Variants in PSMB7 observed in about 807,000 individuals in gnomAD.
PSMB7 encodes proteasome 20S subunit beta 7, also known as proteasome subunit beta type-7.
Under a neutral mutation model 28.1 loss-of-function variants are expected in PSMB7, and 5 were observed. The ratio of observed to expected loss-of-function variants is 0.18; its 90% confidence interval spans 0.09 to 0.37. The LOEUF is 0.37. Among genes scored for constraint, PSMB7 ranks in the 10% least tolerant of loss-of-function variants. The pLI is 1.00. For missense variants in PSMB7, 275 were observed against 346.2 expected (o/e 0.79, Z 1.63); for synonymous variants, 122 against 123.7 (o/e 0.99, Z 0.09).
intron 6 of PSMB7, among the ~76,000 whole-genome samples, chr9:124,372,334 A>G (rs2131151704): frequency 6.6e-6 from 1 of 152,390 alleles, no homozygotes; most frequent in Admixed American, 6.5e-5. Context: ...GGCAGAAGAC[A>G]TGACAGAATT....
At chr9:124,371,346 G>A (rs1243603711) in intron 6 of PSMB7, among the ~76,000 whole-genome samples, 1 of 152,128 alleles carries the variant, frequency 6.6e-6, no homozygotes, top group African/African-American at 2.4e-5. Context: ...CAAGAAAGTG[G>A]AAATCCATTG....
At chr9:124,367,025 T>C (rs748292938) in intron 6 of PSMB7, among the ~76,000 whole-genome samples, 4 of 152,234 alleles carry the variant, frequency 2.6e-5, no homozygotes, top group Non-Finnish European at 5.9e-5. Flanking sequence ...ATAGTTCGAC[T>C]TGTGCTTTTT....
chr9:124,353,584 C>T lies in PSMB7; in HGVS notation c.*14G>A. 1.3e-6 allele frequency: 2 copies of T among 1,582,608 alleles called. No homozygotes were observed. Reference sequence around the variant, plus strand: ...CACCTTCCAGAACCGCGGCCAGCCACCCACTGATGCCATTCAGGAAGTGTC... The same window carrying T: ...CACCTTCCAGAACCGCGGCCAGCCATCCACTGATGCCATTCAGGAAGTGTC... On this transcript the variant is annotated 3_prime_UTR_variant, in exon 8 of 8. Transcript: ENST00000259457.
In PSMB7 at chr9:124,356,143, C is replaced by T. The variant is rs78698737; in HGVS notation, c.722+621G>A. On this transcript the variant is annotated intron_variant, in intron 7 of 7. Transcript: ENST00000259457. This position sits in a 1 kb window ranked among gnomAD's most constrained non-coding sequence, Gnocchi z 4.4. ...CCGGACAATCACGAGACACTGCAAACGAGCTGCTCCTCTGACACATGCTAG... is the reference window on the plus strand; with the variant it reads ...CCGGACAATCACGAGACACTGCAAATGAGCTGCTCCTCTGACACATGCTAG... Among the ~76,000 whole-genome samples, 7 of 152,192 alleles carry T rather than the reference C, an allele frequency of 4.6e-5. No homozygotes were observed. The highest frequency in any genetic ancestry group is 7.3e-5 in the Non-Finnish European group (5 of 68,038).
At position 124,415,404 on chromosome 9, in the gene PSMB7, C is replaced by A. The variant is rs759358036; in HGVS notation, c.22G>T (p.Ala8Ser). The change falls in exon 1 of 8, where the codon GCT (alanine) becomes TCT (serine). Residue 8 changes from alanine (A) to serine (S), a missense_variant. Around this residue, in one of 2 missense-constraint regions of PSMB7, gnomAD observed 62 missense variants for 43.9 expected, o/e 1.41. Transcript: ENST00000259457. ...AAAGAGAAGCCTCCAACTGGTGGAG[C>A]ATACACCGACACAGCCGCCATCTTC... MAAVSVY[A>S]PPVGGFSFDN... The A allele has an allele frequency of 8.1e-6, 13 of 1,614,034 alleles. No individual in the cohort carries two copies. Among genetic ancestry groups the A allele is most frequent in the East Asian group, 6.7e-5 (3 of 44,884 alleles).
rs148309449 is a variant in PSMB7 at position 124,399,505 on chromosome 9, C to T, written c.511+5812G>A. Among the ~76,000 whole-genome samples the T allele has an allele frequency of 2.9e-3, 444 of 152,274 alleles. 4 individuals are homozygous for T. Among genetic ancestry groups the T allele is most frequent in the African/African-American group, 0.01 (425 of 41,550 alleles). ...ATGTGTTTCTGAAAGGAGGCAGCAACAGCTGTTAGGCTCTCTTCAGAGGAG... is the reference window on the plus strand; with the variant it reads ...ATGTGTTTCTGAAAGGAGGCAGCAATAGCTGTTAGGCTCTCTTCAGAGGAG... On this transcript the variant is annotated intron_variant, in intron 5 of 7. Coordinates refer to ENST00000259457, the MANE Select transcript of PSMB7 (RefSeq NM_002799.4).
rs140680372 is a variant in PSMB7, at chr9:124,383,355, T to C, written c.570+1243A>G. ...TAAATTCTATACACTATGTTTTAAT[T>C]CCTGCAGCTATCCGAGAAGCGAAGA... On this transcript the variant is annotated intron_variant, in intron 6 of 7. Transcript: ENST00000259457. Among the ~76,000 whole-genome samples the C allele has an allele frequency of 4.1e-3, 621 of 152,302 alleles. 4 individuals are homozygous for C. The highest frequency in any genetic ancestry group is 4.7e-3 in the Non-Finnish European group (317 of 68,026).
At chr9:124,358,852 G>T (rs552698290) in intron 6 of PSMB7, among the ~76,000 whole-genome samples, 2 of 152,374 alleles carry the variant, frequency 1.3e-5, no homozygotes, top group South Asian at 4.1e-4. Context: ...CAGACATCGC[G>T]ACCCTGCGGG....
At chr9:124,413,749 G>C (rs546009054) in intron 3 of PSMB7, among the ~76,000 whole-genome samples, 159 bp downstream of exon 3, 2 of 152,336 alleles carry the variant, frequency 1.3e-5, no homozygotes, top group East Asian at 1.9e-4. Context: ...GAGAGGACTT[G>C]AAGTTACTGG....
chr9:124,366,736 T>A (rs552167370), intron 6 of PSMB7, among the ~76,000 whole-genome samples: 1 of 152,400 alleles, frequency 6.6e-6, no homozygotes, highest in South Asian at 2.1e-4. Flanking sequence ...CACCATTTTT[T>A]ATCTCATACT....
chr9:124,401,691 C>T (rs1830909391), intron 5 of PSMB7, among the ~76,000 whole-genome samples: 1 of 152,184 alleles, frequency 6.6e-6, no homozygotes, highest in Non-Finnish European at 1.5e-5. Flanking sequence ...ATCTGTGCTG[C>T]CTGCTATAGT....
intron 2 of PSMB7, 85 bp downstream of exon 2, chr9:124,414,757 C>T (rs903792992): frequency 2.0e-5 from 23 of 1,162,162 alleles, no homozygotes; most frequent in Non-Finnish European, 2.9e-5. Context: ...CTTTCCAGAC[C>T]GAGCCGGGAG....
chr9:124,384,228 A>G, intron 6 of PSMB7: 1 of 199,354 alleles, frequency 5.0e-6, no homozygotes. Flanking sequence ...GCAAAGACAT[A>G]CACAGTTTTT....
chr9:124,410,529 AT>A (rs1398534131), intron 4 of PSMB7, among the ~76,000 whole-genome samples: 2 of 152,368 alleles, frequency 1.3e-5, no homozygotes, highest in African/African-American at 4.8e-5. Context: ...TATATTTAAA[AT>A]TAAAATCCAC....
At chr9:124,405,575 C>T (rs1204278050) in intron 4 of PSMB7, 143 bp from the exon 5 acceptor site, 5 of 593,090 alleles carry the variant, frequency 8.4e-6, no homozygotes, top group Non-Finnish European at 1.5e-5. Flanking sequence ...TTGATGGGAA[C>T]AAAAAAGGGA....
At chr9:124,412,905 G>C (rs2131183462) in intron 3 of PSMB7, among the ~76,000 whole-genome samples, 1 of 152,100 alleles carries the variant, frequency 6.6e-6, no homozygotes, top group East Asian at 1.9e-4. Context: ...GCTCAAAGTT[G>C]AGTGTAAGAT....
chr9:124,381,266 G>C (rs1588573953), intron 6 of PSMB7, among the ~76,000 whole-genome samples: 1 of 152,242 alleles, frequency 6.6e-6, no homozygotes, highest in Admixed American at 6.5e-5. Flanking sequence ...CAGGTTTGGA[G>C]ATCAGGAAAC....
intron 6 of PSMB7, among the ~76,000 whole-genome samples, chr9:124,373,973 A>G (rs546596457): frequency 4.2e-4 from 64 of 152,348 alleles, no homozygotes; most frequent in African/African-American, 1.5e-3. Context: ...CATTATAAAT[A>G]TAGTCAAATA....
In PSMB7 at chr9:124,415,396, T is replaced by C. The variant is rs200739650; in HGVS notation, c.30A>G (p.Pro10=). ...AGTTATCAAAAGAGAAGCCTCCAAC[T>C]GGTGGAGCATACACCGACACAGCCG... The part of the protein sequence containing the change: MAAVSVYAP[P]VGGFSFDNCR... The change falls in exon 1 of 8, where the codon CCA becomes CCG. Residue 10 remains proline (P), a synonymous_variant. Coordinates refer to ENST00000259457, the MANE Select transcript of PSMB7 (RefSeq NM_002799.4). The C allele has an allele frequency of 1.9e-6, 3 of 1,614,042 alleles. No individual in the cohort carries two copies. Among genetic ancestry groups the C allele is most frequent in the Non-Finnish European group, 2.5e-6 (3 of 1,180,012 alleles).
Sources: allele counts gnomAD v4.1 joint callset (sites outside exome capture counted in the v4.1 genomes callset), GRCh38; gene constraint gnomAD v4.1.1; regional missense constraint gnomAD v4.1.1; non-coding constraint Gnocchi (gnomAD v3.1); transcripts MANE v1.5; gene names NCBI Gene and HGNC (gene_info 2026-07-23, HGNC 2026-07-21).